Variants in RIMS2 observed in about 807,000 individuals in gnomAD.
The protein encoded by RIMS2 is regulating synaptic membrane exocytosis protein 2.
RIMS2 carries 59 observed loss-of-function variants against 174.4 expected under a neutral mutation model. The observed-to-expected ratio is 0.34, with a 90% CI of 0.27 to 0.42. RIMS2 has a LOEUF of 0.42. Among genes scored for constraint, RIMS2 ranks in the 10% least tolerant of loss-of-function variants. The pLI is 1.00. For missense variants in RIMS2, 1,620 were observed against 1,666.3 expected (o/e 0.97, Z 0.48); for synonymous variants, 606 against 572.5 (o/e 1.06, Z -0.84).
chr8:103,652,203 A>G lies in RIMS2; in HGVS notation c.177-44883A>G. ...CTCAGTTGTGCAAACTTATCTTTTT[A>G]GGGTCAAAGAAGAACACAAACCACA... is the stretch of plus-strand genomic sequence containing the variant. On this transcript the variant is annotated intron_variant, in intron 1 of 23. Coordinates refer to ENST00000504942, the Ensembl canonical transcript of RIMS2. 1 of 1,345,572 alleles carries G rather than the reference A, an allele frequency of 7.4e-7. No homozygotes were observed. Among genetic ancestry groups the G allele is most frequent in the Non-Finnish European group, 9.8e-7 (1 of 1,015,988 alleles). 83.4% of individuals were successfully genotyped at this position (1,345,572 alleles called of 1,614,324 possible). A position where few individuals can be genotyped will look rare whatever the true frequency, so the allele number is the denominator to read the frequency against.
Position 104,090,215 on chromosome 8 carries a change from A to T in RIMS2, c.3334+75600A>T, listed in dbSNP as rs1182730762. Among the ~76,000 whole-genome samples, 4 of 151,908 alleles carry T rather than the reference A, an allele frequency of 2.6e-5. No individual in the cohort carries two copies. The East Asian group carries it at 7.7e-4, about 29-fold the overall frequency. On this transcript the variant is annotated intron_variant, in intron 19 of 23. Transcript: ENST00000504942. ...ACGCTGTGAAAAAAGGCATAAAACT[A>T]CAGTATAGGGAATCTTTCCTTAAAT... is the stretch of plus-strand genomic sequence containing the variant.
intron 1 of RIMS2, among the ~76,000 whole-genome samples, chr8:103,693,804 G>A (rs1358895874): frequency 6.6e-6 from 1 of 152,148 alleles, no homozygotes; most frequent in Non-Finnish European, 1.5e-5. Flanking sequence ...TTGGTCTGCA[G>A]GCTTTGTCCT....
intron 3 of RIMS2, among the ~76,000 whole-genome samples, chr8:103,874,526 T>C (rs1000976250): frequency 6.6e-6 from 1 of 152,078 alleles, no homozygotes; most frequent in Non-Finnish European, 1.5e-5. Context: ...CACCTACTTT[T>C]AGCTTGTAAT....
intron 4 of RIMS2, among the ~76,000 whole-genome samples, chr8:103,887,607 C>T (rs2099212139): frequency 6.6e-6 from 1 of 151,234 alleles, no homozygotes; most frequent in Non-Finnish European, 1.5e-5. Flanking sequence ...AACCTCCTAC[C>T]CCCAATTTCC....
At chr8:104,058,356 A>C (rs1015165252) in intron 19 of RIMS2, among the ~76,000 whole-genome samples, 11 of 148,606 alleles carry the variant, frequency 7.4e-5, no homozygotes, top group African/African-American at 2.5e-4. Context: ...TTTTGGCTGC[A>C]TAAATGTCTT....
intron 19 of RIMS2, among the ~76,000 whole-genome samples, chr8:104,122,917 A>G (rs2098395519): frequency 6.6e-6 from 1 of 152,176 alleles, no homozygotes; most frequent in Non-Finnish European, 1.5e-5. Flanking sequence ...TCAGAATCCC[A>G]AGAAATATGA....
rs1002348778 is a variant in RIMS2 at position 103,554,083 on chromosome 8, A to C, written c.176+53021A>C. Among the ~76,000 whole-genome samples the C allele has an allele frequency of 2.6e-5, 4 of 152,302 alleles. No homozygotes were observed. In the East Asian group the frequency reaches 7.7e-4, roughly 29 times the overall value. On this transcript the variant is annotated intron_variant, in intron 1 of 23. Coordinates refer to ENST00000504942, the Ensembl canonical transcript of RIMS2. ...ATTAAAGACTTAAATGTAAAACCTG[A>C]AACTCTAAATATCCTGAAGATAACC...
At chr8:103,716,116 AT>A (rs2097365397) in intron 2 of RIMS2, among the ~76,000 whole-genome samples, 192 bp from the exon 5 acceptor site, 1 of 152,004 alleles carries the variant, frequency 6.6e-6, no homozygotes, top group African/African-American at 2.4e-5. Flanking sequence ...ATGGAAAAAA[AT>A]CTCCCCTAAA....
chr8:104,060,744 T>C (rs969890386), intron 19 of RIMS2, among the ~76,000 whole-genome samples: 3 of 152,234 alleles, frequency 2.0e-5, no homozygotes, highest in African/African-American at 4.8e-5. Context: ...GCTTTGAATG[T>C]GTCCCAGAGA....
At chr8:103,863,908 G>GTTTGTTTTT (rs2099071996) in intron 3 of RIMS2, among the ~76,000 whole-genome samples, 2 of 74,708 alleles carry the variant, frequency 2.7e-5, no homozygotes, top group Admixed American at 1.2e-4. Flanking sequence ...TGTTTTTTTT[G>GTTTGTTTTT]TTTGTTTGTT....
intron 1 of RIMS2, among the ~76,000 whole-genome samples, chr8:103,634,999 C>T (rs1384013043): frequency 6.6e-6 from 1 of 152,076 alleles, no homozygotes. Context: ...TTAAGTGGGG[C>T]ATTTAGCCCA....
chr8:104,148,775 C>G (rs769049243), intron 19 of RIMS2: 3 of 1,598,394 alleles, frequency 1.9e-6, no homozygotes, highest in Non-Finnish European at 2.5e-6. Flanking sequence ...GGCGCTCTAG[C>G]CTTGGTGCCA....
rs141306992 is a variant in RIMS2, at chr8:104,243,772, A to G, written c.3335-1144A>G. ...AAAGCTATCAATATGCACAGTGTGG[A>G]TAAATAGTTAAGCCCGACAAGAAGT... On this transcript the variant is annotated intron_variant, in intron 19 of 23. Coordinates refer to ENST00000504942, the Ensembl canonical transcript of RIMS2. Among the ~76,000 whole-genome samples the G allele has an allele frequency of 4.6e-5, 7 of 152,322 alleles. No individual in the cohort carries two copies. In the East Asian group the frequency reaches 1.3e-3, roughly 29 times the overall value.
intron 3 of RIMS2, among the ~76,000 whole-genome samples, chr8:103,827,289 A>T (rs2098797214): frequency 6.6e-6 from 1 of 152,192 alleles, no homozygotes; most frequent in African/African-American, 2.4e-5. Context: ...GTATATTAAA[A>T]TCTAACTTAT....
At chr8:104,160,758 A>G (rs2098756164) in intron 19 of RIMS2, among the ~76,000 whole-genome samples, 1 of 152,202 alleles carries the variant, frequency 6.6e-6, no homozygotes, top group Admixed American at 6.5e-5. Context: ...ATTTTAATGG[A>G]TGCCATGAAA....
At chr8:103,859,392 A>C (rs1203521424) in intron 3 of RIMS2, among the ~76,000 whole-genome samples, 2 of 151,866 alleles carry the variant, frequency 1.3e-5, no homozygotes, top group African/African-American at 4.8e-5. Flanking sequence ...ATTTCCTCCC[A>C]CCCCCCACTG....
At chr8:104,022,006 C>G (rs555910216) in intron 19 of RIMS2, among the ~76,000 whole-genome samples, 1 of 152,130 alleles carries the variant, frequency 6.6e-6, no homozygotes, top group South Asian at 2.1e-4. Flanking sequence ...TGGATTCAGT[C>G]ATCAGTCGCA....
chr8:103,717,556 A>C (rs905835218), intron 2 of RIMS2, among the ~76,000 whole-genome samples: 1 of 152,242 alleles, frequency 6.6e-6, no homozygotes, highest in African/African-American at 2.4e-5. Context: ...TGCAGGATGC[A>C]TAATGGTCTA....
At chr8:103,525,250 A>G (rs1833417440) in intron 1 of RIMS2, among the ~76,000 whole-genome samples, 2 of 152,222 alleles carry the variant, frequency 1.3e-5, no homozygotes, top group Non-Finnish European at 2.9e-5. Flanking sequence ...ATAGTTCTTC[A>G]TTGAGGTATC....
Sources: gnomAD v4.1 joint callset for allele counts (sites outside exome capture counted in the v4.1 genomes callset) on GRCh38, gnomAD v4.1.1 for gene constraint, MANE v1.5 for transcripts, NCBI Gene and HGNC (gene_info 2026-07-23, HGNC 2026-07-21) for gene names.